The following E2F3 variants were observed in gnomAD, a reference collection of about 807,000 sequenced individuals.
E2F3 encodes E2F transcription factor 3, also known as transcription factor E2F3.
E2F3 carries 11 observed loss-of-function variants against 44.4 expected under a neutral mutation model. The observed-to-expected ratio is 0.25, with a 90% CI of 0.16 to 0.41. E2F3 has a LOEUF of 0.41. Ranked by LOEUF, E2F3 falls within the 10% of genes least tolerant of loss-of-function variation. The pLI is 1.00. For missense variants in E2F3, 487 were observed against 583.6 expected, an observed-to-expected ratio of 0.83 and a Z score of 1.70; for synonymous variants, 249 against 253.0, an observed-to-expected ratio of 0.98 and a Z score of 0.15.
intron 1 of E2F3, among the ~76,000 whole-genome samples, chr6:20,465,929 G>T (rs183430251): frequency 1.1e-3 from 162 of 152,112 alleles, no homozygotes; most frequent in African/African-American, 3.7e-3. Flanking sequence ...TATTTTTTTT[G>T]AATAATGACT....
At chr6:20,489,714 C>G (rs974363768) in intron 6 of E2F3, among the ~76,000 whole-genome samples, 1 of 151,874 alleles carries the variant, frequency 6.6e-6, no homozygotes. Context: ...GTGGCTCACA[C>G]CTGTAATTTC....
intron 1 of E2F3, among the ~76,000 whole-genome samples, chr6:20,418,103 G>C (rs1019623713): frequency 6.6e-6 from 1 of 152,104 alleles, no homozygotes; most frequent in Admixed American, 6.5e-5. Flanking sequence ...GTAGACAAGG[G>C]GTGGCCCTCA....
At chr6:20,474,345 A>G (rs1761981581) in intron 1 of E2F3, among the ~76,000 whole-genome samples, 2 of 152,224 alleles carry the variant, frequency 1.3e-5, no homozygotes, top group South Asian at 4.1e-4. Flanking sequence ...TAACGTTAGC[A>G]CATACCTTGT....
intron 1 of E2F3, among the ~76,000 whole-genome samples, chr6:20,411,354 T>C (rs1759665250): frequency 6.6e-6 from 1 of 151,908 alleles, no homozygotes; most frequent in Non-Finnish European, 1.5e-5. Flanking sequence ...GTTGTCTTGC[T>C]CTCCAGAGGC....
chr6:20,405,851 G>A (rs1017997954), intron 1 of E2F3, among the ~76,000 whole-genome samples: 4 of 152,108 alleles, frequency 2.6e-5, no homozygotes, highest in Admixed American at 2.6e-4. Context: ...CTGGGAGGGT[G>A]TAGGAAATTT....
chr6:20,432,762 G>A (rs1760450036), intron 1 of E2F3, among the ~76,000 whole-genome samples: 1 of 152,284 alleles, frequency 6.6e-6, no homozygotes, highest in Non-Finnish European at 1.5e-5. Context: ...TCCTCACGTA[G>A]ACTGTCTGAT....
chr6:20,434,499 T>G (rs979694750), intron 1 of E2F3, among the ~76,000 whole-genome samples: 8 of 152,176 alleles, frequency 5.3e-5, no homozygotes, highest in African/African-American at 1.9e-4. Context: ...GTAATACATC[T>G]CAGTTTCTTT....
intron 1 of E2F3, among the ~76,000 whole-genome samples, chr6:20,477,625 G>A (rs753474202): frequency 1.3e-5 from 2 of 152,154 alleles, no homozygotes; most frequent in Non-Finnish European, 2.9e-5. Flanking sequence ...CTGATCCAAT[G>A]CATCTTAGGT....
At chr6:20,470,482 A>C (rs549935666) in intron 1 of E2F3, among the ~76,000 whole-genome samples, 1 of 152,098 alleles carries the variant, frequency 6.6e-6, no homozygotes, top group Non-Finnish European at 1.5e-5. Context: ...TGACCCACTA[A>C]CCTAATGGCC....
intron 6 of E2F3, among the ~76,000 whole-genome samples, chr6:20,489,515 G>A (rs1331516073): frequency 6.6e-6 from 1 of 152,130 alleles, no homozygotes; most frequent in Non-Finnish European, 1.5e-5. Flanking sequence ...TTTCTACTAG[G>A]AAGCCAACTT....
At chr6:20,428,511 C>A (rs1001409882) in intron 1 of E2F3, among the ~76,000 whole-genome samples, 32 of 152,318 alleles carry the variant, frequency 2.1e-4, no homozygotes, top group African/African-American at 7.2e-4. Flanking sequence ...ACGTGAGCCA[C>A]CACGCCCAGC....
At chr6:20,428,443 G>A (rs913119852) in intron 1 of E2F3, among the ~76,000 whole-genome samples, 9 of 152,044 alleles carry the variant, frequency 5.9e-5, no homozygotes, top group East Asian at 1.9e-4. Flanking sequence ...GGCTGGTCTC[G>A]AACTCTTGAC....
intron 1 of E2F3, among the ~76,000 whole-genome samples, chr6:20,457,348 CT>C (rs60238519): frequency 1.4e-4 from 15 of 109,514 alleles, no homozygotes; most frequent in South Asian, 3.3e-4. Flanking sequence ...CTTATTTTTT[CT>C]TTTTTTTTTT....
chr6:20,486,398 G>T (rs529090568), intron 4 of E2F3, among the ~76,000 whole-genome samples: 1 of 152,166 alleles, frequency 6.6e-6, no homozygotes, highest in East Asian at 1.9e-4. Flanking sequence ...TCAGCCTCCC[G>T]AGTAGCTGGG....
intron 1 of E2F3, among the ~76,000 whole-genome samples, chr6:20,419,206 T>C (rs930932064): frequency 6.6e-6 from 1 of 152,244 alleles, no homozygotes; most frequent in African/African-American, 2.4e-5. Context: ...TGTTTAGTTA[T>C]TCCCATTTGA....
At chr6:20,430,607 A>G (rs977716956) in intron 1 of E2F3, among the ~76,000 whole-genome samples, 4 of 152,194 alleles carry the variant, frequency 2.6e-5, no homozygotes, top group African/African-American at 9.7e-5. Flanking sequence ...TCAATTCCAG[A>G]GGGGAAACTT....
intron 1 of E2F3, among the ~76,000 whole-genome samples, chr6:20,424,022 G>A (rs1013750722): frequency 6.6e-6 from 1 of 151,882 alleles, no homozygotes; most frequent in Non-Finnish European, 1.5e-5. Flanking sequence ...CACCCACCTC[G>A]GCCTCCCAAA....
intron 1 of E2F3, among the ~76,000 whole-genome samples, chr6:20,416,931 T>C (rs1759866822): frequency 6.6e-6 from 1 of 152,128 alleles, no homozygotes; most frequent in Non-Finnish European, 1.5e-5. Context: ...TTGGGAGGCC[T>C]CCTAAGTCAC....
intron 1 of E2F3, among the ~76,000 whole-genome samples, chr6:20,446,433 C>T (rs1164796100): frequency 1.3e-5 from 2 of 152,194 alleles, no homozygotes; most frequent in Non-Finnish European, 2.9e-5. Context: ...AGTGCCTACA[C>T]GGCACATAAG....
Sources: allele counts gnomAD v4.1 joint callset (sites outside exome capture counted in the v4.1 genomes callset), GRCh38; gene constraint gnomAD v4.1.1; transcripts MANE v1.5; gene names NCBI Gene and HGNC (gene_info 2026-07-23, HGNC 2026-07-21).